Variants in LRRC53 observed in about 807,000 individuals in gnomAD.
LRRC53 encodes leucine rich repeat containing 53.
A neutral mutation model predicts 13.6 loss-of-function variants in LRRC53; 25 were observed. The observed-to-expected ratio is 1.83, with a 90% CI of 1.34 to 2.56. The LOEUF is 2.56. Ranked by LOEUF, LRRC53 falls within the 30% of genes most tolerant of loss-of-function variation. The pLI is 0.00. For missense variants in LRRC53, 527 were observed against 275.8 expected (o/e 1.91, Z -6.45); for synonymous variants, 204 against 109.8 (o/e 1.86, Z -5.37).
At chr1:74,521,044 G>A in the LRRC53 span, among the ~76,000 whole-genome samples, 1 of 152,148 alleles carries the variant, frequency 6.6e-6, no homozygotes, top group African/African-American at 2.4e-5. Flanking sequence ...GCCCTGACTG[G>A]ACAGAGTGTT....
chr1:74,524,656 T>C, the LRRC53 span, among the ~76,000 whole-genome samples: 2 of 116,894 alleles, frequency 1.7e-5, no homozygotes, highest in African/African-American at 5.2e-5. Context: ...ACTTTTAGGT[T>C]CTGGAGATAC....
chr1:74,529,610 T>G, the LRRC53 span, among the ~76,000 whole-genome samples: 140,224 of 152,264 alleles, frequency 0.92, 64,840 homozygotes, highest in Non-Finnish European at 0.96. Flanking sequence ...TGATTGTATT[T>G]TGGTTATGTA....
intron 3 of LRRC53, among the ~76,000 whole-genome samples, chr1:74,476,399 T>C (rs1174556982): frequency 6.6e-6 from 1 of 152,132 alleles, no homozygotes; most frequent in Non-Finnish European, 1.5e-5. Context: ...TGATTTCCCT[T>C]GTTTTTTCAC....
In LRRC53 at chr1:74,471,049, G is replaced by T. The variant is rs1267889452; in HGVS notation, c.2573C>A (p.Ser858Ter). ...AEHRHSHSQF[S>*]TEQMEDATQL... ...AGTTGCATCTTCCATTTGCTCAGTT[G>T]AGAATTGAGAATGTGAGTGCCTGTG... is the stretch of plus-strand genomic sequence containing the variant. Residue 858 changes from serine (S) to a stop codon, truncating the protein, a stop_gained, in exon 5 of 5, where the codon TCA becomes TAA. Coordinates refer to ENST00000294635, the MANE Select transcript of LRRC53 (RefSeq NM_001382280.1). LOFTEE classifies it low-confidence loss of function (END_TRUNC). 1 of 400,574 alleles carries T rather than the reference G, an allele frequency of 2.5e-6. No individual in the cohort carries two copies. The highest frequency in any genetic ancestry group is 3.6e-5 in the East Asian group (1 of 28,088). The allele number at this position is 400,574 out of a possible 1,614,324, so 24.8% of individuals were successfully genotyped here.
chr1:74,476,634 T>C (rs1668221035), intron 3 of LRRC53, among the ~76,000 whole-genome samples: 1 of 152,134 alleles, frequency 6.6e-6, no homozygotes, highest in South Asian at 2.1e-4. Context: ...AAATCATTGG[T>C]GATCTAATCT....
chr1:74,473,171 TTCA>T (rs1414910743), intron 4 of LRRC53, among the ~76,000 whole-genome samples: 8 of 152,142 alleles, frequency 5.3e-5, no homozygotes, highest in African/African-American at 1.9e-4. Flanking sequence ...ATAATGTACG[TTCA>T]TCATCTCTTT....
intron 1 of LRRC53, among the ~76,000 whole-genome samples, chr1:74,495,804 T>A (rs1347191631): frequency 6.6e-6 from 1 of 152,170 alleles, no homozygotes; most frequent in African/African-American, 2.4e-5. Flanking sequence ...CCAATACTTG[T>A]ATTTGCTGGA....
At chr1:74,530,880 G>A in the LRRC53 span, among the ~76,000 whole-genome samples, 1 of 152,072 alleles carries the variant, frequency 6.6e-6, no homozygotes, top group Non-Finnish European at 1.5e-5. Flanking sequence ...TAAATTAGTA[G>A]GTAAATTGAG....
chr1:74,499,108 G>A (rs766888195), intron 1 of LRRC53, among the ~76,000 whole-genome samples: 19 of 152,140 alleles, frequency 1.2e-4, no homozygotes, highest in African/African-American at 2.7e-4. Flanking sequence ...ATGCAGGTGC[G>A]TGCACACTGG....
intron 1 of LRRC53, among the ~76,000 whole-genome samples, chr1:74,508,055 G>A (rs1669995235): frequency 6.6e-6 from 1 of 152,164 alleles, no homozygotes; most frequent in Admixed American, 6.5e-5. Context: ...ACAATGACGG[G>A]CACACGACTC....
intron 1 of LRRC53, among the ~76,000 whole-genome samples, chr1:74,493,349 T>G (rs1359988400): frequency 1.3e-5 from 2 of 152,160 alleles, no homozygotes; most frequent in Admixed American, 6.5e-5. Context: ...AATGGTTATT[T>G]CTATGCTATG....
intron 3 of LRRC53, among the ~76,000 whole-genome samples, chr1:74,477,462 C>T (rs1335922864): frequency 2.0e-5 from 3 of 152,030 alleles, no homozygotes; most frequent in Non-Finnish European, 2.9e-5. Context: ...GGAAGACTCA[C>T]CTGTCAGGAA....
intron 1 of LRRC53, among the ~76,000 whole-genome samples, chr1:74,502,029 C>T (rs1021645739): frequency 6.6e-6 from 1 of 152,074 alleles, no homozygotes; most frequent in Non-Finnish European, 1.5e-5. Context: ...TGGCTTTATA[C>T]AGGTGTTTCT....
At chr1:74,531,571 C>A in the LRRC53 span, among the ~76,000 whole-genome samples, 2 of 152,170 alleles carry the variant, frequency 1.3e-5, no homozygotes, top group African/African-American at 4.8e-5. Flanking sequence ...CAGCTAAATG[C>A]CAAAAGGATG....
chr1:74,502,210 T>C lies in LRRC53; in HGVS notation c.-27+10316A>G, dbSNP rs150749384. Among the ~76,000 whole-genome samples, 598 of 152,290 alleles carry C rather than the reference T, an allele frequency of 3.9e-3. 2 individuals are homozygous for C. Among genetic ancestry groups the C allele is most frequent in the African/African-American group, 0.014 (568 of 41,554 alleles). ...CTTTTATATTCATACCCATAGTAGATTGTAAACATCATGCAGGCATAAAAT... is the reference window on the plus strand; with the variant it reads ...CTTTTATATTCATACCCATAGTAGACTGTAAACATCATGCAGGCATAAAAT... On this transcript the variant is annotated intron_variant, in intron 1 of 4. Transcript: ENST00000294635.
At chr1:74,505,518 CT>C (rs1669848289) in intron 1 of LRRC53, among the ~76,000 whole-genome samples, 1 of 152,188 alleles carries the variant, frequency 6.6e-6, no homozygotes, top group African/African-American at 2.4e-5. Flanking sequence ...TACAATGGCT[CT>C]GAACAGTTTA....
chr1:74,501,270 A>G (rs190990339), intron 1 of LRRC53, among the ~76,000 whole-genome samples: 2 of 152,238 alleles, frequency 1.3e-5, no homozygotes, highest in East Asian at 3.9e-4. Flanking sequence ...TACTTTGTTC[A>G]TTGCATTTCT....
At chr1:74,512,883 C>G (rs529119536), upstream of LRRC53, among the ~76,000 whole-genome samples, 1 of 152,328 alleles carries the variant, frequency 6.6e-6, no homozygotes, top group South Asian at 2.1e-4. Flanking sequence ...GTTAACAAGC[C>G]TTATGATGGG....
chr1:74,478,551 T>A (rs1056661929), intron 3 of LRRC53, among the ~76,000 whole-genome samples: 1 of 152,194 alleles, frequency 6.6e-6, no homozygotes, highest in East Asian at 1.9e-4. Flanking sequence ...ACAAATTCAA[T>A]GAAATCCTCT....
Sources: allele counts gnomAD v4.1 joint callset (sites outside exome capture counted in the v4.1 genomes callset), GRCh38; gene constraint gnomAD v4.1.1; transcripts MANE v1.5; gene names NCBI Gene and HGNC (gene_info 2026-07-23, HGNC 2026-07-21).